The following SSBP2 variants were observed in gnomAD, a reference collection of about 807,000 sequenced individuals.
SSBP2 encodes single-stranded DNA-binding protein 2.
Under a neutral mutation model 61.8 loss-of-function variants are expected in SSBP2, and 17 were observed. The observed-to-expected ratio is 0.28, with a 90% confidence interval of 0.19 to 0.41. The LOEUF is 0.41. Ranked by LOEUF, SSBP2 falls within the 10% of genes least tolerant of loss-of-function variation. The pLI is 1.00. For synonymous variants in SSBP2, 139 were observed against 141.3 expected, an observed-to-expected ratio of 0.98 and a Z score of 0.12; for missense variants, 310 against 458.7, an observed-to-expected ratio of 0.68 and a Z score of 2.96.
intron 1 of SSBP2, among the ~76,000 whole-genome samples, chr5:81,685,807 C>T (rs1032309832): frequency 2.6e-5 from 4 of 152,180 alleles, no homozygotes; most frequent in East Asian, 1.9e-4. Context: ...ACAAAATAGA[C>T]TATCCAAATC....
rs755822818 is a variant in SSBP2 at position 81,615,564 on chromosome 5, A to G, written c.198-7T>C. 6.3e-7 allele frequency: 1 copy of G among 1,597,002 alleles called. No individual in the cohort carries two copies. The highest frequency in any genetic ancestry group is 8.6e-7 in the Non-Finnish European group (1 of 1,166,388). ...GTAGAGATCCCAAAATACACTAAAA[A>G]AGTAATCATGGTAACATTAAGAAAA... On this transcript the variant is annotated splice_polypyrimidine_tract_variant and splice_region_variant and intron_variant, in intron 3 of 16. Coordinates refer to ENST00000320672, the MANE Select transcript of SSBP2 (RefSeq NM_012446.5).
intron 1 of SSBP2, among the ~76,000 whole-genome samples, chr5:81,742,141 A>G (rs1197859468): frequency 6.6e-6 from 1 of 152,242 alleles, no homozygotes; most frequent in African/African-American, 2.4e-5. Flanking sequence ...TGACTTAAGT[A>G]AAACAAAATA....
At chr5:81,470,795 T>A (rs1765200163) in intron 8 of SSBP2, among the ~76,000 whole-genome samples, 2 of 151,940 alleles carry the variant, frequency 1.3e-5, no homozygotes, top group African/African-American at 4.8e-5. Context: ...TATGATTAAA[T>A]GTCTGTTATG....
At chr5:81,689,481 CAAAT>C (rs1443433888) in intron 1 of SSBP2, among the ~76,000 whole-genome samples, 1 of 151,090 alleles carries the variant, frequency 6.6e-6, no homozygotes, top group African/African-American at 2.4e-5. Context: ...AAAAGAGAAA[CAAAT>C]AACATACAAT....
At chr5:81,448,687 G>T in intron 11 of SSBP2, 103 bp downstream of exon 11, 1 of 1,118,524 alleles carries the variant, frequency 8.9e-7, no homozygotes, top group Non-Finnish European at 1.3e-6. Context: ...TTCACTTCTT[G>T]GCCAATACAC....
rs565725973 is a variant in SSBP2 at position 81,660,234 on chromosome 5, C to A, written c.63-9895G>T. 4.6e-5 allele frequency among the ~76,000 whole-genome samples: 7 copies of A among 152,150 alleles called. No individual in the cohort carries two copies. The South Asian group carries it at 1.5e-3, about 32-fold the overall frequency. On this transcript the variant is annotated intron_variant, in intron 1 of 16. Coordinates refer to ENST00000320672, the MANE Select transcript of SSBP2 (RefSeq NM_012446.5). ...AACTAGCATGAGAGTGAACAGGCAA[C>A]CTACAGAATGGGAGAAAATTTTTGC...
chr5:81,542,817 TTCTCTCTCTCTCTCTCTC>T (rs60252222), intron 4 of SSBP2, among the ~76,000 whole-genome samples: 4 of 106,792 alleles, frequency 3.7e-5, no homozygotes, highest in African/African-American at 8.1e-5. Context: ...ATTTGACAGT[TTCTCTCTCTCTCTCTCTC>T]TCTCTCTCTC....
chr5:81,734,952 CAG>C (rs1330185146), intron 1 of SSBP2, among the ~76,000 whole-genome samples: 5 of 105,262 alleles, frequency 4.8e-5, no homozygotes, highest in African/African-American at 1.9e-4. Flanking sequence ...GCCTGGGAGA[CAG>C]AGCAAGACTC....
At chr5:81,638,924 G>A (rs1199239598) in intron 2 of SSBP2, among the ~76,000 whole-genome samples, 1 of 152,132 alleles carries the variant, frequency 6.6e-6, no homozygotes, top group African/African-American at 2.4e-5. Context: ...GAGTTATCAT[G>A]TATACCAAAT....
At chr5:81,750,873 C>A in intron 1 of SSBP2, 108 bp downstream of exon 1, 2 of 1,299,446 alleles carry the variant, frequency 1.5e-6, no homozygotes, top group South Asian at 1.3e-5. Flanking sequence ...CAGCCCACCC[C>A]CGGCGCTCCC....
intron 7 of SSBP2, 85 bp from the exon 8 acceptor site, chr5:81,473,855 C>T (rs913882228): frequency 1.3e-5 from 16 of 1,248,428 alleles, no homozygotes; most frequent in Non-Finnish European, 1.9e-5. Context: ...CTGGGTGTTA[C>T]TGTCTCATTT....
intron 6 of SSBP2, among the ~76,000 whole-genome samples, chr5:81,480,399 G>A (rs541412358): frequency 1.4e-4 from 21 of 152,174 alleles, no homozygotes; most frequent in Admixed American, 3.3e-4. Context: ...TCTATTAGGT[G>A]TGCAATAGCA....
In SSBP2 at chr5:81,419,468, C is replaced by T. The variant is rs1761470268; in HGVS notation, c.*1036G>A. ...TCTAGTGTCTATAAGAATATGCTCACAAAAAGTCTGAATAAAAACCAGATA... is the reference window on the plus strand; with the variant it reads ...TCTAGTGTCTATAAGAATATGCTCATAAAAAGTCTGAATAAAAACCAGATA... On this transcript the variant is annotated 3_prime_UTR_variant, in exon 17 of 17. Coordinates refer to ENST00000320672, the MANE Select transcript of SSBP2 (RefSeq NM_012446.5). The T allele has an allele frequency of 6.6e-6, 1 of 152,292 alleles. No individual in the cohort carries two copies. Among genetic ancestry groups the T allele is most frequent in the East Asian group, 1.9e-4 (1 of 5,186 alleles). 9.4% of individuals were successfully genotyped at this position (152,292 alleles called of 1,614,324 possible). A position where few individuals can be genotyped will look rare whatever the true frequency, so the allele number is the denominator to read the frequency against.
chr5:81,470,726 C>A (rs1343740271), intron 8 of SSBP2, among the ~76,000 whole-genome samples: 2 of 151,844 alleles, frequency 1.3e-5, no homozygotes, highest in Non-Finnish European at 3.0e-5. Context: ...ATATTTCAGA[C>A]TTTTTCTACA....
intron 1 of SSBP2, among the ~76,000 whole-genome samples, chr5:81,655,671 T>C (rs1750147871): frequency 6.6e-6 from 1 of 152,128 alleles, no homozygotes; most frequent in Non-Finnish European, 1.5e-5. Flanking sequence ...GAGATTAAGA[T>C]GGGAAGAACA....
At chr5:81,473,569 G>A (rs553714477) in intron 8 of SSBP2, 131 bp downstream of exon 8, 40 of 762,860 alleles carry the variant, frequency 5.2e-5, no homozygotes, top group South Asian at 1.2e-4. Flanking sequence ...GGACATAATC[G>A]CATTCCTTTT....
chr5:81,565,113 C>T (rs929286129), intron 4 of SSBP2, among the ~76,000 whole-genome samples: 2 of 152,116 alleles, frequency 1.3e-5, no homozygotes, highest in African/African-American at 2.4e-5. Context: ...CTTAATAATT[C>T]GTTATAATAA....
intron 10 of SSBP2, among the ~76,000 whole-genome samples, chr5:81,458,301 C>T (rs1047665650): frequency 1.3e-5 from 2 of 152,078 alleles, no homozygotes; most frequent in Non-Finnish European, 2.9e-5. Context: ...AATTGATTTC[C>T]TTATTTTGAT....
At chr5:81,485,580 T>C (rs998353847) in intron 6 of SSBP2, among the ~76,000 whole-genome samples, 1 of 152,212 alleles carries the variant, frequency 6.6e-6, no homozygotes, top group Non-Finnish European at 1.5e-5. Context: ...TTTCCTTAGA[T>C]ACAAACTCTT....
Sources: gnomAD v4.1 joint callset for allele counts (sites outside exome capture counted in the v4.1 genomes callset) on GRCh38, gnomAD v4.1.1 for gene constraint, MANE v1.5 for transcripts, NCBI Gene and HGNC (gene_info 2026-07-23, HGNC 2026-07-21) for gene names.